Variants in KLF13 observed in about 807,000 individuals in gnomAD.
The protein encoded by KLF13 is KLF transcription factor 13, also known as Krueppel-like factor 13.
KLF13 carries 8 observed loss-of-function variants against 16.7 expected under a neutral mutation model. The observed-to-expected ratio is 0.48, with a 90% CI of 0.28 to 0.87. The LOEUF is 0.87. Among genes scored for constraint, KLF13 ranks in the 40% least tolerant of loss-of-function variants. The pLI is 0.10. For synonymous variants in KLF13, 245 were observed against 208.4 expected, an observed-to-expected ratio of 1.18 and a Z score of -1.51; for missense variants, 447 against 452.2, an observed-to-expected ratio of 0.99 and a Z score of 0.10.
chr15:31,420,940 G>T (rs768163260), intron 1 of KLF13, among the ~76,000 whole-genome samples: 1 of 152,070 alleles, frequency 6.6e-6, no homozygotes, highest in African/African-American at 2.4e-5. Flanking sequence ...TGATCTGCCC[G>T]CCTTGGCCTC....
At chr15:31,361,868 A>G (rs1475050357) in intron 1 of KLF13, among the ~76,000 whole-genome samples, 4 of 128,702 alleles carry the variant, frequency 3.1e-5, no homozygotes, top group African/African-American at 1.2e-4. Flanking sequence ...AGGCCTTTCC[A>G]TACTGTGTCC....
intron 1 of KLF13, among the ~76,000 whole-genome samples, chr15:31,423,438 G>A (rs2040368601): frequency 6.6e-6 from 1 of 151,454 alleles, no homozygotes. Flanking sequence ...TCGAGACCAG[G>A]CTGGCCAATA....
chr15:31,334,664 G>T (rs1310443262), intron 1 of KLF13, among the ~76,000 whole-genome samples: 2 of 152,140 alleles, frequency 1.3e-5, no homozygotes. Flanking sequence ...CTGACCTCAG[G>T]TGATCTGCCC....
At chr15:31,381,302 C>G (rs79055152), downstream of KLF13, among the ~76,000 whole-genome samples, 1 of 152,072 alleles carries the variant, frequency 6.6e-6, no homozygotes, top group Non-Finnish European at 1.5e-5. Flanking sequence ...ACAAGTCTTA[C>G]AGGGCTAAAA....
chr15:31,337,804 G>A (rs2038955922), intron 1 of KLF13, among the ~76,000 whole-genome samples: 1 of 152,238 alleles, frequency 6.6e-6, no homozygotes, highest in African/African-American at 2.4e-5. Flanking sequence ...ACGTCATTAT[G>A]TGGTGCATGA....
At chr15:31,337,477 TAC>T (rs2038950175) in intron 1 of KLF13, among the ~76,000 whole-genome samples, 1 of 152,194 alleles carries the variant, frequency 6.6e-6, no homozygotes, top group Admixed American at 6.5e-5. Flanking sequence ...TTTCTAAAAT[TAC>T]AGTCATAGGT....
chr15:31,402,598 T>C (rs1241570269), intron 2 of KLF13, among the ~76,000 whole-genome samples: 4 of 152,222 alleles, frequency 2.6e-5, no homozygotes, highest in African/African-American at 9.6e-5. Flanking sequence ...TCAGCGGCAC[T>C]GGGACCCAGG....
chr15:31,425,660 T>C (rs2040391690), intron 1 of KLF13, among the ~76,000 whole-genome samples: 1 of 152,168 alleles, frequency 6.6e-6, no homozygotes, highest in Non-Finnish European at 1.5e-5. Flanking sequence ...GCAGATCACC[T>C]GAGGTCAGAA....
upstream of KLF13, among the ~76,000 whole-genome samples, chr15:31,389,718 C>T (rs1002946146): frequency 5.9e-5 from 9 of 152,180 alleles, no homozygotes; most frequent in African/African-American, 2.2e-4. Context: ...GCAGCTTAGT[C>T]TATAGTAAAA....
intron 1 of KLF13, among the ~76,000 whole-genome samples, chr15:31,336,506 T>C (rs1302555052): frequency 1.3e-5 from 2 of 152,178 alleles, no homozygotes; most frequent in African/African-American, 4.8e-5. Context: ...AGCCAGAATT[T>C]CCTCCTCTGA....
Position 31,331,687 on chromosome 15 carries a change from C to T in KLF13, c.577+3898C>T, listed in dbSNP as rs142601278. Among the ~76,000 whole-genome samples, 145 of 152,328 alleles carry T rather than the reference C, an allele frequency of 9.5e-4. 1 individual carries two copies. Among genetic ancestry groups the T allele is most frequent in the African/African-American group, 3.2e-3 (132 of 41,568 alleles). ...CGCCCACCCCTCCCTCTCGTACCCT[C>T]GCTGTCCCAGGCTGCCAGTGGCCCT... On this transcript the variant is annotated intron_variant, in intron 1 of 1. Coordinates refer to ENST00000307145, the MANE Select transcript of KLF13 (RefSeq NM_015995.4).
chr15:31,329,236 GTT>G (rs1292351604), intron 1 of KLF13, among the ~76,000 whole-genome samples: 1 of 150,582 alleles, frequency 6.6e-6, no homozygotes, highest in African/African-American at 2.5e-5. Flanking sequence ...TGGGCTCAGA[GTT>G]CAGCTCGGGA....
downstream of KLF13, among the ~76,000 whole-genome samples, chr15:31,409,583 T>C (rs994638129): frequency 6.6e-6 from 1 of 152,048 alleles, no homozygotes; most frequent in Non-Finnish European, 1.5e-5. Context: ...ACGTATGTCA[T>C]ATTCAAGTTT....
intron 1 of KLF13, among the ~76,000 whole-genome samples, chr15:31,337,162 C>T (rs77539355): frequency 0.085 from 12,880 of 152,292 alleles, 779 homozygotes; most frequent in Non-Finnish European, 0.13. Flanking sequence ...TGTCCCTCTC[C>T]CACTAGGCAT....
At chr15:31,381,544 G>A (rs1248500097), downstream of KLF13, among the ~76,000 whole-genome samples, 1 of 152,128 alleles carries the variant, frequency 6.6e-6, no homozygotes, top group Non-Finnish European at 1.5e-5. Context: ...AGTCCAGGAT[G>A]AGCCCCCCAT....
At chr15:31,399,578 G>C (rs917120799) in intron 2 of KLF13, among the ~76,000 whole-genome samples, 1 of 152,242 alleles carries the variant, frequency 6.6e-6, no homozygotes, top group Admixed American at 6.5e-5. Flanking sequence ...TCCAGGTCCA[G>C]GCCTAGGCCT....
intron 1 of KLF13, among the ~76,000 whole-genome samples, chr15:31,350,261 G>A (rs2039195411): frequency 6.6e-6 from 1 of 152,228 alleles, no homozygotes; most frequent in South Asian, 2.1e-4. Context: ...CTTTGGGATT[G>A]GGGAGGGAGG....
At chr15:31,425,225 G>T (rs372044170) in intron 1 of KLF13, among the ~76,000 whole-genome samples, 1 of 152,140 alleles carries the variant, frequency 6.6e-6, no homozygotes, top group East Asian at 1.9e-4. Flanking sequence ...GAAATTTGCA[G>T]ATCCACTGCA....
chr15:31,351,814 A>G (rs2039221563), intron 1 of KLF13, among the ~76,000 whole-genome samples: 1 of 152,162 alleles, frequency 6.6e-6, no homozygotes, highest in African/African-American at 2.4e-5. Flanking sequence ...GTTCAAGACT[A>G]CTGGCCTGGC....
Sources: gnomAD v4.1 joint callset for allele counts (sites outside exome capture counted in the v4.1 genomes callset) on GRCh38, gnomAD v4.1.1 for gene constraint, MANE v1.5 for transcripts, NCBI Gene and HGNC (gene_info 2026-07-23, HGNC 2026-07-21) for gene names.